TMEM132B: variants seen among roughly 807,000 people sequenced by gnomAD.
TMEM132B encodes the protein transmembrane protein 132B.
Under a neutral mutation model 90.8 loss-of-function variants are expected in TMEM132B, and 18 were observed. That is an observed-to-expected ratio of 0.20 (90% CI 0.14 to 0.29). The LOEUF is 0.29. Ranked by LOEUF, TMEM132B falls within the 10% of genes least tolerant of loss-of-function variation. TMEM132B has a pLI of 1.00. For synonymous variants in TMEM132B, 504 were observed against 523.3 expected, an observed-to-expected ratio of 0.96 and a Z score of 0.50; for missense variants, 1,096 against 1,326.8, an observed-to-expected ratio of 0.83 and a Z score of 2.70.
At chr12:125,518,996 C>T (rs917591710) in intron 3 of TMEM132B, among the ~76,000 whole-genome samples, 2 of 152,212 alleles carry the variant, frequency 1.3e-5, no homozygotes, top group Non-Finnish European at 2.9e-5. Context: ...AACTGGTCTA[C>T]AGACCTCAGC....
intron 3 of TMEM132B, among the ~76,000 whole-genome samples, chr12:125,478,952 A>T (rs1301488239): frequency 1.3e-5 from 2 of 152,246 alleles, no homozygotes; most frequent in Non-Finnish European, 2.9e-5. Flanking sequence ...GTGGGGGCCA[A>T]TATTCAACAT....
At chr12:125,240,684 A>C (rs1023404553) in intron 1 of TMEM132B, among the ~76,000 whole-genome samples, 1 of 152,138 alleles carries the variant, frequency 6.6e-6, no homozygotes, top group Non-Finnish European at 1.5e-5. Context: ...CAGCTCCAAC[A>C]CTACTTCCTG....
At chr12:125,395,198 A>C (rs1675233952) in intron 2 of TMEM132B, among the ~76,000 whole-genome samples, 1 of 152,172 alleles carries the variant, frequency 6.6e-6, no homozygotes, top group Admixed American at 6.5e-5. Context: ...TGAACCGTTG[A>C]GTGTGTCTGG....
intron 4 of TMEM132B, among the ~76,000 whole-genome samples, chr12:125,540,189 A>G (rs2136723924): frequency 6.6e-6 from 1 of 152,302 alleles, no homozygotes; most frequent in East Asian, 1.9e-4. Context: ...ACTTTATATG[A>G]CTTAATTCCT....
At chr12:125,570,555 T>C (rs1322942670) in intron 4 of TMEM132B, among the ~76,000 whole-genome samples, 1 of 152,212 alleles carries the variant, frequency 6.6e-6, no homozygotes, top group African/African-American at 2.4e-5. Context: ...CTATTTGAAA[T>C]AATTTTCTTT....
intron 1 of TMEM132B, among the ~76,000 whole-genome samples, chr12:125,201,317 T>G (rs898847425): frequency 2.6e-5 from 4 of 152,268 alleles, no homozygotes; most frequent in Admixed American, 2.6e-4. Flanking sequence ...GACTAAATTC[T>G]GCTTCTCTCA....
At chr12:125,325,416 T>A (rs955493641) in intron 1 of TMEM132B, among the ~76,000 whole-genome samples, 1 of 152,216 alleles carries the variant, frequency 6.6e-6, no homozygotes, top group African/African-American at 2.4e-5. Flanking sequence ...GTTTTGGATC[T>A]AACTGTTTGG....
chr12:125,264,558 T>C (rs1395038114), intron 1 of TMEM132B, among the ~76,000 whole-genome samples: 2 of 152,072 alleles, frequency 1.3e-5, no homozygotes, highest in African/African-American at 2.4e-5. Flanking sequence ...GGATGGACTG[T>C]TTTGGGTGGG....
At chr12:125,198,776 A>G (rs1452268319) in intron 1 of TMEM132B, among the ~76,000 whole-genome samples, 2 of 152,180 alleles carry the variant, frequency 1.3e-5, no homozygotes, top group African/African-American at 4.8e-5. Context: ...AGGTCTGGAG[A>G]GCACTCACAT....
At chr12:125,499,944 T>C (rs56159446) in intron 3 of TMEM132B, among the ~76,000 whole-genome samples, 20,727 of 150,434 alleles carry the variant, frequency 0.14, 1,693 homozygotes, top group Admixed American at 0.29. Flanking sequence ...ACTTCATCCC[T>C]ATGTGACCAT....
At chr12:125,413,246 A>G (rs572258855) in intron 2 of TMEM132B, among the ~76,000 whole-genome samples, 3 of 151,866 alleles carry the variant, frequency 2.0e-5, no homozygotes, top group African/African-American at 7.3e-5. Context: ...TTTTGGTTTG[A>G]TTTTGATACA....
chr12:125,513,881 C>A (rs1883043041), intron 3 of TMEM132B, among the ~76,000 whole-genome samples: 1 of 152,140 alleles, frequency 6.6e-6, no homozygotes, highest in Admixed American at 6.5e-5. Flanking sequence ...TTCATGATAG[C>A]ATTTGTCATT....
rs139324333 is a variant in TMEM132B at position 125,431,856 on chromosome 12, T to C, written c.1106+16179T>C. Among the ~76,000 whole-genome samples the C allele has an allele frequency of 1.7e-3, 262 of 152,262 alleles. 2 individuals carry two copies. Among genetic ancestry groups the C allele is most frequent in the African/African-American group, 5.8e-3 (239 of 41,562 alleles). On this transcript the variant is annotated intron_variant, in intron 3 of 8. Coordinates refer to ENST00000682704, the MANE Select transcript of TMEM132B (RefSeq NM_001366854.1). ...GTGGTGGGTGGACAGCCATTGGTCA[T>C]GGGATTCTTAGGGCTTGCAGTCTGA... is the stretch of plus-strand genomic sequence containing the variant.
chr12:125,306,772 A>C lies in TMEM132B; in HGVS notation c.68-42680A>C, dbSNP rs376635427. Reference sequence around the variant, plus strand: ...AGCAGCTTTGCTGCATGTCAATTGCACCATGTTCTTCCTCTGCTCAAAATG... The same window carrying C: ...AGCAGCTTTGCTGCATGTCAATTGCCCCATGTTCTTCCTCTGCTCAAAATG... On this transcript the variant is annotated intron_variant, in intron 1 of 8. Coordinates refer to ENST00000682704, the MANE Select transcript of TMEM132B (RefSeq NM_001366854.1). Among the ~76,000 whole-genome samples, 5 of 152,192 alleles carry C rather than the reference A, an allele frequency of 3.3e-5. No homozygotes were observed. In the East Asian group the frequency reaches 7.7e-4, roughly 23 times the overall value.
chr12:125,484,086 G>T (rs923801397), intron 3 of TMEM132B, among the ~76,000 whole-genome samples: 2 of 152,098 alleles, frequency 1.3e-5, no homozygotes, highest in African/African-American at 2.4e-5. Context: ...TTTTTGTAGA[G>T]ACAGGGTTTC....
At chr12:125,188,711 GACAA>G (rs992497038) in intron 1 of TMEM132B, among the ~76,000 whole-genome samples, 4 of 151,956 alleles carry the variant, frequency 2.6e-5, no homozygotes, top group African/African-American at 9.7e-5. Flanking sequence ...AGCTCGTTCC[GACAA>G]ATGCCGTCCG....
chr12:125,250,450 C>T (rs1472982857), intron 1 of TMEM132B, among the ~76,000 whole-genome samples: 1 of 152,214 alleles, frequency 6.6e-6, no homozygotes, highest in African/African-American at 2.4e-5. Context: ...GGACCCTCGT[C>T]CTGGCCCTGC....
intron 3 of TMEM132B, among the ~76,000 whole-genome samples, chr12:125,447,705 G>A (rs144165901): frequency 1.3e-5 from 2 of 152,192 alleles, no homozygotes; most frequent in African/African-American, 4.8e-5. Context: ...AATGGTGTCA[G>A]TTTTTATTTG....
chr12:125,567,745 C>G (rs1459176634), intron 4 of TMEM132B, among the ~76,000 whole-genome samples: 1 of 152,136 alleles, frequency 6.6e-6, no homozygotes, highest in Non-Finnish European at 1.5e-5. Flanking sequence ...CAGCCAGAAG[C>G]TGTGTGAAAT....
Sources: gnomAD v4.1 joint callset for allele counts (sites outside exome capture counted in the v4.1 genomes callset) on GRCh38, gnomAD v4.1.1 for gene constraint, MANE v1.5 for transcripts, NCBI Gene and HGNC (gene_info 2026-07-23, HGNC 2026-07-21) for gene names.